The following PCDH7 variants were observed in gnomAD, a reference collection of about 807,000 sequenced individuals.
PCDH7 encodes the protein protocadherin-7.
In PCDH7, 17 loss-of-function variants were observed where a neutral mutation model predicts 58.9. The observed-to-expected ratio is 0.29, with a 90% CI of 0.20 to 0.43. PCDH7 has a LOEUF of 0.43. Ranked by LOEUF, PCDH7 falls within the 20% of genes least tolerant of loss-of-function variation. PCDH7 has a pLI of 1.00. For synonymous variants in PCDH7, 664 were observed against 616.4 expected (o/e 1.08, Z -1.14); for missense variants, 1,274 against 1,441.0 (o/e 0.88, Z 1.88).
chr4:31,103,322 C>G (rs1388485842), intron 3 of PCDH7, among the ~76,000 whole-genome samples: 3 of 151,502 alleles, frequency 2.0e-5, no homozygotes, highest in African/African-American at 7.3e-5. Flanking sequence ...AAAATTTTCC[C>G]AATTTCTTTT....
At chr4:30,955,794 C>A (rs1285420594) in intron 3 of PCDH7, among the ~76,000 whole-genome samples, 1 of 151,832 alleles carries the variant, frequency 6.6e-6, no homozygotes, top group Non-Finnish European at 1.5e-5. Context: ...AGTGATCGTC[C>A]CGCCCCGGCC....
At chr4:30,912,432 A>G (rs1261473889) in intron 1 of PCDH7, among the ~76,000 whole-genome samples, 2 of 152,154 alleles carry the variant, frequency 1.3e-5, no homozygotes, top group Non-Finnish European at 2.9e-5. Flanking sequence ...GTTCTGCTCC[A>G]TGACTGTTTC....
chr4:31,140,622 A>G (rs1262291992), intron 3 of PCDH7, among the ~76,000 whole-genome samples: 10 of 151,624 alleles, frequency 6.6e-5, no homozygotes. Context: ...AAAAAAAAAA[A>G]AAGAAAAGAA....
chr4:30,732,723 G>GTATA (rs1308728305), exon 2 of PCDH7: 53 of 152,010 alleles, frequency 3.5e-4, no homozygotes, highest in Non-Finnish European at 7.6e-4. Flanking sequence ...AGTTGAAAAG[G>GTATA]TTTGAGAACC....
intron 3 of PCDH7, among the ~76,000 whole-genome samples, chr4:31,031,048 A>G (rs1310756194): frequency 6.6e-6 from 1 of 152,194 alleles, no homozygotes; most frequent in Non-Finnish European, 1.5e-5. Flanking sequence ...TACGTGTAAT[A>G]TAAAGACAAA....
chr4:30,721,857 G>C lies in PCDH7; in HGVS notation c.435G>C (p.Ser145=). Reference sequence around the variant, plus strand: ...ACGACAACACGCCCACCTTCCCGTCGCCCGTGCTCACGCTCACGGTGGAGG... The same window carrying C: ...ACGACAACACGCCCACCTTCCCGTCCCCCGTGCTCACGCTCACGGTGGAGG... Residue 145 remains serine (S), a synonymous_variant, in exon 1 of 2, where the codon TCG becomes TCC. Transcript: ENST00000361762. The surrounding 1 kb of genome is among the most constrained non-coding windows in gnomAD (Gnocchi z 6.7). 1 of 1,605,862 alleles carries C rather than the reference G, an allele frequency of 6.2e-7. No individual in the cohort carries two copies. The highest frequency in any genetic ancestry group is 1.7e-4 in the Middle Eastern group (1 of 6,054).
chr4:30,919,225 T>C (rs1483214042), intron 1 of PCDH7, among the ~76,000 whole-genome samples: 1 of 75,074 alleles, frequency 1.3e-5, no homozygotes, highest in Non-Finnish European at 2.4e-5. Context: ...TTTATATGTT[T>C]TTCCAAATTA....
chr4:31,031,360 T>C (rs1361362677), intron 3 of PCDH7, among the ~76,000 whole-genome samples: 1 of 152,084 alleles, frequency 6.6e-6, no homozygotes, highest in Non-Finnish European at 1.5e-5. Context: ...CAAAGAATGG[T>C]CCAACCAAAA....
At chr4:30,945,643 C>T (rs1218761634) in intron 2 of PCDH7, among the ~76,000 whole-genome samples, 1 of 151,628 alleles carries the variant, frequency 6.6e-6, no homozygotes, top group Admixed American at 6.6e-5. Flanking sequence ...TCATTTATGT[C>T]CTGACTGATA....
chr4:31,056,450 G>GAAGGAAAGAA (rs1252031320), intron 3 of PCDH7, among the ~76,000 whole-genome samples: 27,918 of 74,352 alleles, frequency 0.38, 4,356 homozygotes, highest in South Asian at 0.5. Flanking sequence ...AGGAAAGAAA[G>GAAGGAAAGAA]AAAGAAAGAA....
At chr4:30,814,447 G>A (rs915902695) in intron 1 of PCDH7, among the ~76,000 whole-genome samples, 3 of 151,930 alleles carry the variant, frequency 2.0e-5, no homozygotes, top group African/African-American at 7.3e-5. Context: ...ACTCTTCAGT[G>A]AATTTTTAAA....
intron 3 of PCDH7, among the ~76,000 whole-genome samples, chr4:31,088,438 C>T (rs1712761656): frequency 6.6e-6 from 1 of 152,000 alleles, no homozygotes; most frequent in Non-Finnish European, 1.5e-5. Context: ...AGTTTAGTCA[C>T]TTTTCCCTTG....
intron 2 of PCDH7, among the ~76,000 whole-genome samples, chr4:30,939,550 G>T (rs539057414): frequency 6.6e-6 from 1 of 152,130 alleles, no homozygotes; most frequent in East Asian, 1.9e-4. Flanking sequence ...TTATATCATT[G>T]AACAGTCTCA....
At chr4:30,936,331 T>C (rs1245683760) in intron 2 of PCDH7, among the ~76,000 whole-genome samples, 3 of 151,980 alleles carry the variant, frequency 2.0e-5, no homozygotes, top group African/African-American at 4.8e-5. Context: ...TAATACATGG[T>C]AGCTTTTATT....
intron 1 of PCDH7, among the ~76,000 whole-genome samples, chr4:30,793,545 A>G (rs963469585): frequency 7.2e-5 from 11 of 152,160 alleles, no homozygotes; most frequent in African/African-American, 2.7e-4. Context: ...TAAAAAAAGA[A>G]AAAGAAAGAA....
Position 30,772,498 on chromosome 4 carries a change from T to C in PCDH7, c.70+47902T>C, listed in dbSNP as rs565617227. ...TGAATTAGCCTGTTATATGCCTGTT[T>C]ACCTACAAAACTGCTACTGTGTTTG... On this transcript the variant is annotated intron_variant, in intron 1 of 3. Transcript: ENST00000509759. 1.1e-4 allele frequency among the ~76,000 whole-genome samples: 17 copies of C among 152,330 alleles called. No homozygotes were observed. In the South Asian group the frequency reaches 3.5e-3, roughly 32 times the overall value.
chr4:31,073,240 A>G (rs1758700343), intron 3 of PCDH7, among the ~76,000 whole-genome samples: 1 of 152,220 alleles, frequency 6.6e-6, no homozygotes, highest in Non-Finnish European at 1.5e-5. Flanking sequence ...AAAGCATCTG[A>G]GCAGAGAAGC....
chr4:30,731,858 TG>T (rs1187063274), exon 2 of PCDH7: 1 of 118,398 alleles, frequency 8.4e-6, no homozygotes, highest in Non-Finnish European at 1.7e-5. Context: ...TATGTGTTTA[TG>T]AGCCTAGAAA....
At chr4:30,865,958 G>A (rs919322740) in intron 1 of PCDH7, among the ~76,000 whole-genome samples, 6 of 152,070 alleles carry the variant, frequency 3.9e-5, no homozygotes, top group African/African-American at 7.2e-5. Flanking sequence ...GCATACTTCC[G>A]TGGAGTGGAA....
Sources: gnomAD v4.1 joint callset for allele counts (sites outside exome capture counted in the v4.1 genomes callset) on GRCh38, gnomAD v4.1.1 for gene constraint, Gnocchi (gnomAD v3.1) non-coding constraint, MANE v1.5 for transcripts, NCBI Gene and HGNC (gene_info 2026-07-23, HGNC 2026-07-21) for gene names.